SKAP1: variants seen among roughly 807,000 people sequenced by gnomAD.
SKAP1 encodes src kinase-associated phosphoprotein 1.
Under a neutral mutation model 58.5 loss-of-function variants are expected in SKAP1, and 44 were observed. The ratio of observed to expected loss-of-function variants is 0.75; its 90% CI spans 0.59 to 0.97. The LOEUF is 0.97. SKAP1 is among the 50% of genes least tolerant of loss of function. The pLI is 0.00. For synonymous variants in SKAP1, 127 were observed against 149.7 expected (o/e 0.85, Z 1.11); for missense variants, 390 against 435.2 (o/e 0.90, Z 0.92).
intron 4 of SKAP1, among the ~76,000 whole-genome samples, chr17:48,224,705 G>A (rs1469530320): frequency 6.6e-6 from 1 of 151,966 alleles, no homozygotes; most frequent in Admixed American, 6.6e-5. Flanking sequence ...CACTTTAGGT[G>A]GCCAAAAAAG....
At chr17:48,152,672 C>T (rs1389225783) in intron 11 of SKAP1, among the ~76,000 whole-genome samples, 1 of 152,110 alleles carries the variant, frequency 6.6e-6, no homozygotes, top group African/African-American at 2.4e-5. Context: ...TTTCAGTTTC[C>T]GCAGCCTTCA....
rs541968023 is a variant in SKAP1, at chr17:48,216,586, G to A, written c.281-27086C>T. On this transcript the variant is annotated intron_variant, in intron 4 of 12. Coordinates refer to ENST00000336915, the MANE Select transcript of SKAP1 (RefSeq NM_003726.4). ...AGCTCACTGAAACCTCCACCTCCTG[G>A]GATCAAGGGATCCTCTCACCTCAGC... Among the ~76,000 whole-genome samples the A allele has an allele frequency of 8.0e-4, 122 of 151,890 alleles. 1 individual carries two copies. Among genetic ancestry groups the A allele is most frequent in the African/African-American group, 2.9e-3 (122 of 41,398 alleles).
intron 7 of SKAP1, among the ~76,000 whole-genome samples, chr17:48,183,342 C>G (rs988785091): frequency 1.3e-5 from 2 of 151,830 alleles, no homozygotes; most frequent in Non-Finnish European, 2.9e-5. Flanking sequence ...ACCATGGTAA[C>G]GATTTGGATT....
intron 2 of SKAP1, among the ~76,000 whole-genome samples, chr17:48,392,792 G>A (rs1327176216): frequency 6.6e-5 from 10 of 151,912 alleles, no homozygotes; most frequent in Admixed American, 5.9e-4. Flanking sequence ...CCTGGGAGGT[G>A]GAGGTTGCAA....
chr17:48,342,870 A>G (rs1457528514), intron 4 of SKAP1, among the ~76,000 whole-genome samples: 2 of 152,140 alleles, frequency 1.3e-5, no homozygotes, highest in African/African-American at 2.4e-5. Flanking sequence ...CTATAGTCCC[A>G]GCTACTTGGG....
intron 4 of SKAP1, among the ~76,000 whole-genome samples, chr17:48,208,162 C>A (rs1004715558): frequency 4.6e-5 from 7 of 152,108 alleles, no homozygotes; most frequent in East Asian, 1.9e-4. Context: ...AAAAGTAAAA[C>A]CAACTGCATG....
chr17:48,427,425 T>A (rs776025604), intron 1 of SKAP1, among the ~76,000 whole-genome samples: 7 of 152,264 alleles, frequency 4.6e-5, no homozygotes, highest in Middle Eastern at 6.8e-3. Context: ...TTAGCATAGA[T>A]CTTCGTGCAT....
chr17:48,264,224 T>C (rs972853569), intron 4 of SKAP1, among the ~76,000 whole-genome samples: 4 of 151,930 alleles, frequency 2.6e-5, no homozygotes. Flanking sequence ...TATATATATA[T>C]ACAAAATGTA....
At chr17:48,387,981 A>AG (rs1323957856) in intron 2 of SKAP1, among the ~76,000 whole-genome samples, 1 of 152,210 alleles carries the variant, frequency 6.6e-6, no homozygotes, top group African/African-American at 2.4e-5. Flanking sequence ...ATTATCCCCT[A>AG]GTTCAGTATT....
intron 11 of SKAP1, among the ~76,000 whole-genome samples, chr17:48,138,679 T>G (rs1329941807): frequency 6.6e-6 from 1 of 151,752 alleles, no homozygotes; most frequent in Non-Finnish European, 1.5e-5. Context: ...CACAACTGGC[T>G]AATTTTTTAT....
intron 1 of SKAP1, among the ~76,000 whole-genome samples, chr17:48,418,099 A>C (rs1396868): frequency 6.6e-6 from 1 of 151,936 alleles, no homozygotes; most frequent in Non-Finnish European, 1.5e-5. Context: ...ACCAGACTGG[A>C]CAATACAGCA....
chr17:48,403,908 G>A (rs1410575451), intron 1 of SKAP1, among the ~76,000 whole-genome samples: 1 of 151,852 alleles, frequency 6.6e-6, no homozygotes, highest in Non-Finnish European at 1.5e-5. Flanking sequence ...CCAATATGGC[G>A]AAAACCCATC....
rs576072869 is a variant in SKAP1, at chr17:48,168,310, G to T, written c.877+2299C>A. 3.9e-5 allele frequency among the ~76,000 whole-genome samples: 6 copies of T among 152,300 alleles called. No individual in the cohort carries two copies. In the South Asian group the frequency reaches 1.0e-3, roughly 26 times the overall value. The stretch of plus-strand genomic sequence containing the variant: ...ATAGCATCTTTTGGGAAAAAAGGAA[G>T]AAGGGAAAGGTCAACTTGCTTATAT... On this transcript the variant is annotated intron_variant, in intron 10 of 12. Coordinates refer to ENST00000336915, the MANE Select transcript of SKAP1 (RefSeq NM_003726.4).
At chr17:48,208,540 C>T (rs2143658744) in intron 4 of SKAP1, among the ~76,000 whole-genome samples, 1 of 152,282 alleles carries the variant, frequency 6.6e-6, no homozygotes, top group African/African-American at 2.4e-5. Context: ...AGGATACTCT[C>T]CCCCAGGACC....
At chr17:48,199,938 G>T (rs755962105) in intron 4 of SKAP1, among the ~76,000 whole-genome samples, 1 of 152,054 alleles carries the variant, frequency 6.6e-6, no homozygotes, top group Non-Finnish European at 1.5e-5. Context: ...AGCCGTGCAC[G>T]TAGGGGGATG....
chr17:48,197,307 C>T (rs2064649461), intron 4 of SKAP1, among the ~76,000 whole-genome samples: 1 of 150,762 alleles, frequency 6.6e-6, no homozygotes, highest in South Asian at 2.1e-4. Flanking sequence ...TTCGTAAGAC[C>T]TCTTCTGATG....
rs547107049 is a variant in SKAP1 at position 48,143,809 on chromosome 17, T to G, written c.979-6472A>C. On this transcript the variant is annotated intron_variant, in intron 11 of 12. Transcript: ENST00000336915. Reference sequence around the variant, plus strand: ...CATCTGCATCACCTGCAGGGGACAGTAAGGCATTTGCTCCCCGGGGGTTGT... The same window carrying G: ...CATCTGCATCACCTGCAGGGGACAGGAAGGCATTTGCTCCCCGGGGGTTGT... Among the ~76,000 whole-genome samples the G allele has an allele frequency of 7.2e-5, 11 of 152,298 alleles. No homozygotes were observed. In the East Asian group the frequency reaches 2.1e-3, roughly 29 times the overall value.
chr17:48,388,196 G>A (rs1160433132), intron 2 of SKAP1, among the ~76,000 whole-genome samples: 1 of 152,108 alleles, frequency 6.6e-6, no homozygotes, highest in Non-Finnish European at 1.5e-5. Context: ...AGCACTTTGG[G>A]ATGCCGAGGC....
chr17:48,297,659 A>G (rs1050996323), intron 4 of SKAP1, among the ~76,000 whole-genome samples: 1 of 152,238 alleles, frequency 6.6e-6, no homozygotes, highest in African/African-American at 2.4e-5. Context: ...CCATGCTGCC[A>G]TGAGAAACTA....
Sources: allele counts gnomAD v4.1 joint callset (sites outside exome capture counted in the v4.1 genomes callset), GRCh38; gene constraint gnomAD v4.1.1; transcripts MANE v1.5; gene names NCBI Gene and HGNC (gene_info 2026-07-23, HGNC 2026-07-21).